The following HMBOX1 variants were observed in gnomAD, a reference collection of about 807,000 sequenced individuals.
The protein encoded by HMBOX1 is homeobox containing 1, also known as homeobox-containing protein 1.
A neutral mutation model predicts 54.5 loss-of-function variants in HMBOX1; 14 were observed. That is an observed-to-expected ratio of 0.26 (90% CI 0.17 to 0.40). HMBOX1 has a LOEUF of 0.40. HMBOX1 is among the 10% of genes least tolerant of loss of function. The pLI, the probability that HMBOX1 is intolerant of heterozygous loss-of-function variation, is 1.00. For missense variants in HMBOX1, 332 were observed against 514.4 expected (o/e 0.65, Z 3.43); for synonymous variants, 160 against 181.0 (o/e 0.88, Z 0.93).
rs146595543 is a variant in HMBOX1, at chr8:29,004,776, G to T, written c.587-4296G>T. Among the ~76,000 whole-genome samples, 9 of 152,184 alleles carry T rather than the reference G, an allele frequency of 5.9e-5. No homozygotes were observed. The East Asian group carries it at 1.7e-3, about 29-fold the overall frequency. ...CGTTTTCTTCTGCAGTGGGAAGTAG[G>T]GGGAAAGTTAGGGAAATTTTCTCCT... is the stretch of plus-strand genomic sequence containing the variant. On this transcript the variant is annotated intron_variant, in intron 4 of 9. Transcript: ENST00000287701.
chr8:28,952,305 C>T (rs1823597228), intron 1 of HMBOX1, among the ~76,000 whole-genome samples: 1 of 152,102 alleles, frequency 6.6e-6, no homozygotes, highest in African/African-American at 2.4e-5. Context: ...ATGATCTTGA[C>T]TCACTGCAGC....
At chr8:28,918,784 A>T (rs540872960) in intron 1 of HMBOX1, among the ~76,000 whole-genome samples, 2 of 152,340 alleles carry the variant, frequency 1.3e-5, no homozygotes, top group East Asian at 3.9e-4. Flanking sequence ...TATCACTGTC[A>T]TCAATAACAT....
intron 3 of HMBOX1, 63 bp from the exon 4 acceptor site, chr8:28,980,008 T>C (rs766279090): frequency 2.7e-5 from 33 of 1,241,082 alleles, no homozygotes; most frequent in Non-Finnish European, 3.7e-5. Flanking sequence ...ACCTTTCTTT[T>C]AGCAAAGATG....
chr8:28,965,594 A>G (rs1826297355), intron 2 of HMBOX1, among the ~76,000 whole-genome samples: 1 of 152,176 alleles, frequency 6.6e-6, no homozygotes, highest in Non-Finnish European at 1.5e-5. Flanking sequence ...AGTTCTTGGG[A>G]GAGGCTGGCT....
At chr8:29,050,795 T>C (rs1017835685) in intron 9 of HMBOX1, 1 of 518,386 alleles carries the variant, frequency 1.9e-6, no homozygotes, top group South Asian at 2.9e-5. Context: ...GAAAAACATT[T>C]TTTGTGCTTT....
At chr8:28,973,810 T>TG (rs1827871955) in intron 3 of HMBOX1, among the ~76,000 whole-genome samples, 3 of 20,734 alleles carry the variant, frequency 1.4e-4, no homozygotes, top group South Asian at 1.0e-3. Flanking sequence ...GGAGTTTTTT[T>TG]TTTTTTTTTT....
chr8:28,916,139 A>ATCT (rs1411042090), intron 1 of HMBOX1, among the ~76,000 whole-genome samples: 10 of 152,114 alleles, frequency 6.6e-5, no homozygotes, highest in Non-Finnish European at 1.3e-4. Flanking sequence ...CAGTCAGCAG[A>ATCT]TTTATGTGTT....
intron 6 of HMBOX1, among the ~76,000 whole-genome samples, chr8:29,034,638 C>T (rs1586625241): frequency 6.6e-6 from 1 of 152,118 alleles, no homozygotes; most frequent in Admixed American, 6.5e-5. Context: ...GGTAGATGAC[C>T]GGAGGTCAGG....
At chr8:29,036,549 A>C (rs1280773331) in intron 6 of HMBOX1, among the ~76,000 whole-genome samples, 3 of 152,192 alleles carry the variant, frequency 2.0e-5, no homozygotes, top group African/African-American at 7.2e-5. Flanking sequence ...TCCTTTCCCA[A>C]AGAGGAAAAG....
rs1228916995 is a variant in HMBOX1, at chr8:29,052,422, G to A, written c.*1267G>A. 3 of 152,170 alleles carry A rather than the reference G, an allele frequency of 2.0e-5. No individual in the cohort carries two copies. The highest frequency in any genetic ancestry group is 7.2e-5 in the African/African-American group (3 of 41,434). 9.4% of individuals were successfully genotyped at this position (152,170 alleles called of 1,614,324 possible). A position where few individuals can be genotyped will look rare whatever the true frequency, so the allele number is the denominator to read the frequency against. ...GGAAGCCATATTGATAATGGATGTG[G>A]TAATATTTGTAAAGTTTAATCTACT... On this transcript the variant is annotated 3_prime_UTR_variant, in exon 10 of 10. Transcript: ENST00000287701.
intron 1 of HMBOX1, among the ~76,000 whole-genome samples, chr8:28,905,716 T>A (rs768990178): frequency 1.3e-5 from 2 of 152,262 alleles, no homozygotes; most frequent in African/African-American, 2.4e-5. Flanking sequence ...GGCCTTATCC[T>A]ATTTAACAAC....
intron 6 of HMBOX1, among the ~76,000 whole-genome samples, chr8:29,041,406 G>A (rs1804798439): frequency 6.6e-6 from 1 of 152,074 alleles, no homozygotes; most frequent in African/African-American, 2.4e-5. Flanking sequence ...CCCCACACTG[G>A]GTTGGTGGTG....
chr8:28,977,843 C>A (rs1217879135), intron 3 of HMBOX1, among the ~76,000 whole-genome samples: 4 of 151,236 alleles, frequency 2.6e-5, no homozygotes, highest in Non-Finnish European at 4.4e-5. Flanking sequence ...ACTCGGGAGG[C>A]TGAGGCAGGA....
chr8:28,979,378 G>T (rs970982181), intron 3 of HMBOX1, among the ~76,000 whole-genome samples: 119 of 152,138 alleles, frequency 7.8e-4, no homozygotes, highest in African/African-American at 2.7e-3. Context: ...GGAAAAATGA[G>T]GTCTATAATG....
chr8:28,969,032 G>C (rs1023542275), intron 2 of HMBOX1, among the ~76,000 whole-genome samples: 2 of 151,982 alleles, frequency 1.3e-5, no homozygotes, highest in Admixed American at 6.5e-5. Context: ...AAGTAGCCAG[G>C]CTTGGTGGCA....
At chr8:28,964,753 T>C (rs562595462) in intron 2 of HMBOX1, among the ~76,000 whole-genome samples, 5 of 137,698 alleles carry the variant, frequency 3.6e-5, no homozygotes, top group African/African-American at 5.4e-5. Context: ...TTCTATGATA[T>C]AGTGAAAAGT....
rs1323845909 is a variant in HMBOX1 at position 28,965,300 on chromosome 8, T to C, written c.23+1410T>C. 2.0e-5 allele frequency among the ~76,000 whole-genome samples: 3 copies of C among 152,234 alleles called. No homozygotes were observed. In the East Asian group the frequency reaches 5.8e-4, roughly 29 times the overall value. On this transcript the variant is annotated intron_variant, in intron 2 of 9. Coordinates refer to ENST00000287701, the MANE Select transcript of HMBOX1 (RefSeq NM_001135726.3). ...CTTTATAAATGTGCATGTTTGTACT[T>C]GGATTTTTGTCACATATGGTAGAAA...
At chr8:28,978,113 G>A (rs768209119) in intron 3 of HMBOX1, among the ~76,000 whole-genome samples, 6 of 152,162 alleles carry the variant, frequency 3.9e-5, no homozygotes, top group Non-Finnish European at 5.9e-5. Context: ...TGATAGATCA[G>A]CAGTATACTG....
intron 4 of HMBOX1, among the ~76,000 whole-genome samples, chr8:28,985,012 A>G (rs964951502): frequency 3.9e-5 from 6 of 152,174 alleles, no homozygotes; most frequent in African/African-American, 1.4e-4. Flanking sequence ...CAGAATCTCA[A>G]TGTTCTGGTC....
Sources: allele counts gnomAD v4.1 joint callset (sites outside exome capture counted in the v4.1 genomes callset), GRCh38; gene constraint gnomAD v4.1.1; transcripts MANE v1.5; gene names NCBI Gene and HGNC (gene_info 2026-07-23, HGNC 2026-07-21).